The following KCNH8 variants were observed in gnomAD, a reference collection of about 807,000 sequenced individuals.
KCNH8 encodes the protein voltage-gated delayed rectifier potassium channel KCNH8.
In KCNH8, 70 loss-of-function variants were observed where a neutral mutation model predicts 103.6. The ratio of observed to expected loss-of-function variants is 0.68; its 90% CI spans 0.56 to 0.82. The LOEUF is 0.82. Among genes scored for constraint, KCNH8 ranks in the 40% least tolerant of loss-of-function variants. The probability of loss-of-function intolerance (pLI) is 0.00; values close to 1 mark genes in which losing one functional copy is unlikely to be tolerated. For missense variants in KCNH8, 1,217 were observed against 1,329.9 expected, an observed-to-expected ratio of 0.92 and a Z score of 1.32; for synonymous variants, 498 against 489.4, an observed-to-expected ratio of 1.02 and a Z score of -0.23.
At chr3:19,156,725 C>T (rs2063184165) in intron 1 of KCNH8, among the ~76,000 whole-genome samples, 1 of 151,972 alleles carries the variant, frequency 6.6e-6, no homozygotes, top group Non-Finnish European at 1.5e-5. Context: ...GTTAATCTGT[C>T]TGTGAAGATA....
intron 7 of KCNH8, among the ~76,000 whole-genome samples, chr3:19,428,755 A>G (rs2067066685): frequency 6.6e-6 from 1 of 152,212 alleles, no homozygotes; most frequent in African/African-American, 2.4e-5. Flanking sequence ...AGACATAAAA[A>G]AGTGAGGCAA....
At chr3:19,281,379 T>C in intron 3 of KCNH8, 50 bp downstream of exon 3, 1 of 1,521,448 alleles carries the variant, frequency 6.6e-7, no homozygotes, top group South Asian at 1.2e-5. Context: ...CATTTTGAAA[T>C]TGTTTACTTA....
intron 1 of KCNH8, among the ~76,000 whole-genome samples, chr3:19,182,125 ATTC>A (rs2063459282): frequency 6.6e-6 from 1 of 152,178 alleles, no homozygotes; most frequent in Admixed American, 6.5e-5. Flanking sequence ...GAGGCCATAT[ATTC>A]TTTGTTATTC....
chr3:19,507,349 G>A (rs2068712479), intron 11 of KCNH8, among the ~76,000 whole-genome samples: 2 of 152,180 alleles, frequency 1.3e-5, no homozygotes, highest in African/African-American at 4.8e-5. Context: ...CAGTGGGTGT[G>A]CTCAGCTATG....
intron 5 of KCNH8, 105 bp from the exon 6 acceptor site, chr3:19,390,376 C>G: frequency 1.2e-6 from 1 of 831,348 alleles, no homozygotes; most frequent in Non-Finnish European, 1.9e-6. Context: ...TGCTTGTTTG[C>G]CTGCCTGTCT....
intron 1 of KCNH8, among the ~76,000 whole-genome samples, chr3:19,203,688 A>T (rs188647460): frequency 3.5e-4 from 54 of 152,204 alleles, no homozygotes; most frequent in South Asian, 2.1e-3. Flanking sequence ...ATAGAAATAG[A>T]TAAGAAACTC....
chr3:19,241,988 C>G (rs1269449716), intron 1 of KCNH8, among the ~76,000 whole-genome samples: 1 of 151,986 alleles, frequency 6.6e-6, no homozygotes, highest in East Asian at 1.9e-4. Context: ...TACATTTAAT[C>G]CAAGACCTGA....
chr3:19,418,981 A>G (rs1372108885), intron 7 of KCNH8, among the ~76,000 whole-genome samples: 7 of 152,176 alleles, frequency 4.6e-5, no homozygotes, highest in Non-Finnish European at 1.0e-4. Flanking sequence ...ACCGGAATAC[A>G]TTCCCCATAT....
Position 19,335,483 on chromosome 3 carries a change from G to GTA in KCNH8, c.443-7079_443-7078dup, listed in dbSNP as rs3067331. 7.4e-3 allele frequency among the ~76,000 whole-genome samples: 1,048 copies of GTA among 141,360 alleles called. 5 individuals are homozygous for GTA. The highest frequency in any genetic ancestry group is 0.022 in the South Asian group (98 of 4,482). The allele number at this position is 141,360 out of a possible 152,430, so 92.7% of individuals were successfully genotyped here. A position where few individuals can be genotyped will look rare whatever the true frequency, so the allele number is the denominator to read the frequency against. On this transcript the variant is annotated intron_variant, in intron 3 of 15. Transcript: ENST00000328405. ...TGTGTGTGTGTATATATATGTGTGT[G>GTA]TATATATATATATATATATATATAT...
chr3:19,300,392 T>C (rs1461058338), intron 3 of KCNH8, among the ~76,000 whole-genome samples: 1 of 152,184 alleles, frequency 6.6e-6, no homozygotes, highest in African/African-American at 2.4e-5. Context: ...AGTTGATAAA[T>C]ACCGAAACAA....
At chr3:19,372,952 G>A (rs1316195686) in intron 5 of KCNH8, among the ~76,000 whole-genome samples, 2 of 151,912 alleles carry the variant, frequency 1.3e-5, no homozygotes, top group Non-Finnish European at 2.9e-5. Flanking sequence ...TGCATCCCAG[G>A]GATGAAGCCC....
chr3:19,401,967 C>G (rs369987672), intron 7 of KCNH8, among the ~76,000 whole-genome samples: 8 of 151,930 alleles, frequency 5.3e-5, no homozygotes, highest in African/African-American at 1.9e-4. Context: ...AGGAATGAAC[C>G]TACAATATAC....
intron 3 of KCNH8, among the ~76,000 whole-genome samples, chr3:19,342,343 T>C (rs1190155187): frequency 6.6e-6 from 1 of 152,108 alleles, no homozygotes; most frequent in Non-Finnish European, 1.5e-5. Flanking sequence ...TGAACTATTT[T>C]AAAGTTCTTC....
intron 5 of KCNH8, among the ~76,000 whole-genome samples, chr3:19,377,304 A>T (rs1183191379): frequency 6.6e-6 from 1 of 152,224 alleles, no homozygotes; most frequent in African/African-American, 2.4e-5. Context: ...ATTAACACAC[A>T]CTTTTTTAAG....
At chr3:19,475,681 C>T (rs2067959198) in intron 11 of KCNH8, among the ~76,000 whole-genome samples, 1 of 152,110 alleles carries the variant, frequency 6.6e-6, no homozygotes, top group African/African-American at 2.4e-5. Flanking sequence ...CCATGGAAAA[C>T]ATGCTCCACA....
At chr3:19,469,063 C>A (rs1479882661) in intron 11 of KCNH8, among the ~76,000 whole-genome samples, 1 of 152,228 alleles carries the variant, frequency 6.6e-6, no homozygotes, top group African/African-American at 2.4e-5. Context: ...TCTGACAGCC[C>A]AGATACTTAA....
intron 11 of KCNH8, among the ~76,000 whole-genome samples, chr3:19,501,796 A>G (rs1421717221): frequency 2.0e-5 from 3 of 152,160 alleles, no homozygotes; most frequent in Non-Finnish European, 4.4e-5. Context: ...AGAGCTATCT[A>G]TGACAAACCC....
At chr3:19,398,147 A>G (rs1294337447) in intron 7 of KCNH8, among the ~76,000 whole-genome samples, 4 of 152,010 alleles carry the variant, frequency 2.6e-5, no homozygotes, top group Admixed American at 6.6e-5. Context: ...TGTTAATTCC[A>G]TAAAATGAGA....
At chr3:19,181,658 T>C (rs1267752539) in intron 1 of KCNH8, among the ~76,000 whole-genome samples, 1 of 152,102 alleles carries the variant, frequency 6.6e-6, no homozygotes, top group African/African-American at 2.4e-5. Context: ...AATAGAAAAG[T>C]TGAATAAGCA....
Sources: allele counts gnomAD v4.1 joint callset (sites outside exome capture counted in the v4.1 genomes callset), GRCh38; gene constraint gnomAD v4.1.1; transcripts MANE v1.5; gene names NCBI Gene and HGNC (gene_info 2026-07-23, HGNC 2026-07-21).